The following TBC1D22A variants were observed in gnomAD, a reference collection of about 807,000 sequenced individuals.
The protein encoded by TBC1D22A is TBC1 domain family member 22A.
TBC1D22A carries 38 observed loss-of-function variants against 60.2 expected under a neutral mutation model. That is an observed-to-expected ratio of 0.63 (90% CI 0.49 to 0.83). The LOEUF is 0.83. TBC1D22A is among the 40% of genes least tolerant of loss of function. TBC1D22A has a pLI of 0.00. For missense variants in TBC1D22A, 628 were observed against 701.0 expected, an observed-to-expected ratio of 0.90 and a Z score of 1.18; for synonymous variants, 302 against 281.7, an observed-to-expected ratio of 1.07 and a Z score of -0.72.
At chr22:47,100,336 AG>A (rs2065365470) in intron 11 of TBC1D22A, among the ~76,000 whole-genome samples, 2 of 151,904 alleles carry the variant, frequency 1.3e-5, no homozygotes, top group South Asian at 4.2e-4. Context: ...CTTTGGGCAC[AG>A]GGGTAAGCCT....
chr22:47,088,441 G>A (rs2147601757), intron 11 of TBC1D22A, among the ~76,000 whole-genome samples: 1 of 152,232 alleles, frequency 6.6e-6, no homozygotes, highest in African/African-American at 2.4e-5. Context: ...AATTATGATG[G>A]CAGTTTATTA....
chr22:47,053,823 C>T (rs1422979221), intron 11 of TBC1D22A, among the ~76,000 whole-genome samples: 3 of 152,212 alleles, frequency 2.0e-5, no homozygotes, highest in Non-Finnish European at 4.4e-5. Flanking sequence ...CATATACCAG[C>T]GCATTTAATC....
chr22:47,046,160 C>T (rs2063025986), intron 11 of TBC1D22A, among the ~76,000 whole-genome samples: 1 of 147,302 alleles, frequency 6.8e-6, no homozygotes, highest in Non-Finnish European at 1.5e-5. Flanking sequence ...AAAGGCCTTG[C>T]CCCACAAGGA....
chr22:46,944,787 A>G (rs915769226), intron 8 of TBC1D22A, among the ~76,000 whole-genome samples: 1 of 152,218 alleles, frequency 6.6e-6, no homozygotes, highest in African/African-American at 2.4e-5. Flanking sequence ...ATTTTATACA[A>G]TGAAGATACT....
intron 12 of TBC1D22A, among the ~76,000 whole-genome samples, chr22:47,147,658 TG>T (rs1414961980): frequency 2.6e-5 from 4 of 152,368 alleles, no homozygotes; most frequent in Non-Finnish European, 5.9e-5. Context: ...TTTGCGTTTC[TG>T]GCAGTTCTGA....
intron 12 of TBC1D22A, among the ~76,000 whole-genome samples, chr22:47,141,663 A>T (rs1262775493): frequency 1.3e-5 from 2 of 152,202 alleles, no homozygotes; most frequent in African/African-American, 2.4e-5. Flanking sequence ...ATGATTCTGT[A>T]AGGAAATGAG....
intron 7 of TBC1D22A, among the ~76,000 whole-genome samples, chr22:46,904,957 G>A (rs1478984462): frequency 1.3e-5 from 2 of 151,384 alleles, no homozygotes; most frequent in Non-Finnish European, 2.9e-5. Context: ...TGTATTTTTA[G>A]TAGAGACGGG....
chr22:46,849,569 C>T (rs1205479804), intron 4 of TBC1D22A, among the ~76,000 whole-genome samples: 2 of 152,134 alleles, frequency 1.3e-5, no homozygotes, highest in Non-Finnish European at 2.9e-5. Flanking sequence ...TTACTCTCAT[C>T]CCAGCCTGCA....
Position 46,894,887 on chromosome 22 carries a change from T to C in TBC1D22A, c.900+41T>C, listed in dbSNP as rs374388184. 1.5e-4 allele frequency: 247 copies of C among 1,607,986 alleles called. 1 individual carries two copies. Among genetic ancestry groups the C allele is most frequent in the Non-Finnish European group, 2.0e-4 (237 of 1,174,600 alleles). On this transcript the variant is annotated intron_variant, in intron 7 of 12. Transcript: ENST00000337137. ...CGTGGGGAGTTCCCCTCGTTGGGAG[T>C]GGCTGATGCCCACTGTGCTAACCAG...
At chr22:47,056,032 A>G (rs2063383223) in intron 11 of TBC1D22A, among the ~76,000 whole-genome samples, 1 of 152,166 alleles carries the variant, frequency 6.6e-6, no homozygotes, top group Non-Finnish European at 1.5e-5. Flanking sequence ...GGCTCCCGTC[A>G]TCAGGCTTCA....
At chr22:47,029,393 A>G (rs2062381393) in intron 10 of TBC1D22A, among the ~76,000 whole-genome samples, 1 of 152,158 alleles carries the variant, frequency 6.6e-6, no homozygotes, top group African/African-American at 2.4e-5. Context: ...CCAACAAGAA[A>G]GCCCCTCAGA....
chr22:46,908,231 G>T (rs73888441), intron 7 of TBC1D22A, among the ~76,000 whole-genome samples: 3,777 of 152,294 alleles, frequency 0.025, 59 homozygotes, highest in South Asian at 0.069. Context: ...CAGGCTTGTG[G>T]CAGTGGAGTC....
chr22:46,870,867 T>G (rs1487682465), intron 4 of TBC1D22A, among the ~76,000 whole-genome samples: 3 of 152,180 alleles, frequency 2.0e-5, no homozygotes, highest in African/African-American at 7.2e-5. Context: ...ACTCATGACC[T>G]AAACACCTTC....
At chr22:46,850,185 G>A (rs1220765285) in intron 4 of TBC1D22A, among the ~76,000 whole-genome samples, 1 of 152,164 alleles carries the variant, frequency 6.6e-6, no homozygotes, top group Non-Finnish European at 1.5e-5. Flanking sequence ...GAGTGCTGAG[G>A]GGCACGCAGG....
chr22:47,024,933 C>T (rs2062207468), intron 10 of TBC1D22A, among the ~76,000 whole-genome samples: 1 of 152,142 alleles, frequency 6.6e-6, no homozygotes, highest in African/African-American at 2.4e-5. Flanking sequence ...AAAGATATTT[C>T]ATGCTAACAC....
chr22:46,780,602 C>T (rs1479947621), intron 1 of TBC1D22A, among the ~76,000 whole-genome samples: 2 of 152,236 alleles, frequency 1.3e-5, no homozygotes, highest in African/African-American at 4.8e-5. Flanking sequence ...CAGAGTCGCT[C>T]TGTCCCTCTT....
intron 12 of TBC1D22A, among the ~76,000 whole-genome samples, chr22:47,149,369 A>G (rs1190553998): frequency 6.6e-6 from 1 of 152,250 alleles, no homozygotes; most frequent in Non-Finnish European, 1.5e-5. Flanking sequence ...ATAGGAGCTT[A>G]ATGAGACGTT....
At chr22:47,168,323 A>C (rs9626687) in intron 12 of TBC1D22A, among the ~76,000 whole-genome samples, 1,096 of 96,726 alleles carry the variant, frequency 0.011, 1 homozygote, top group African/African-American at 0.028. Flanking sequence ...ACTGCCCAGC[A>C]AAGTGCTGTG....
intron 5 of TBC1D22A, among the ~76,000 whole-genome samples, chr22:46,890,481 A>G (rs894607856): frequency 1.3e-5 from 2 of 152,234 alleles, no homozygotes; most frequent in African/African-American, 2.4e-5. Flanking sequence ...AAAGTATTCA[A>G]GCAGATGTGC....
Sources: gnomAD v4.1 joint callset for allele counts (sites outside exome capture counted in the v4.1 genomes callset) on GRCh38, gnomAD v4.1.1 for gene constraint, MANE v1.5 for transcripts, NCBI Gene and HGNC (gene_info 2026-07-23, HGNC 2026-07-21) for gene names.